NDUFS4: variants seen among roughly 807,000 people sequenced by gnomAD.
The protein encoded by NDUFS4 is NADH:ubiquinone oxidoreductase subunit S4, also known as NADH dehydrogenase [ubiquinone] iron-sulfur protein 4, mitochondrial.
A neutral mutation model predicts 24.3 loss-of-function variants in NDUFS4; 28 were observed. That is an observed-to-expected ratio of 1.15 (90% CI 0.85 to 1.58). The LOEUF (loss-of-function observed/expected upper bound fraction) is 1.58, where lower values mean the gene tolerates loss of function less well. Among genes scored for constraint, NDUFS4 ranks in the 40% most tolerant of loss-of-function variants. The pLI is 0.00. For missense variants in NDUFS4, 223 were observed against 207.9 expected, an observed-to-expected ratio of 1.07 and a Z score of -0.45; for synonymous variants, 93 against 69.7, an observed-to-expected ratio of 1.34 and a Z score of -1.67.
At chr5:53,677,737 T>A (rs568203323) in intron 4 of NDUFS4, among the ~76,000 whole-genome samples, 22 of 152,310 alleles carry the variant, frequency 1.4e-4, no homozygotes, top group African/African-American at 4.6e-4. Context: ...AAAGCTTTGC[T>A]CTTCTGATCC....
chr5:53,677,792 A>G lies in NDUFS4; in HGVS notation c.425-5326A>G, dbSNP rs148194099. Among the ~76,000 whole-genome samples, 968 of 152,296 alleles carry G rather than the reference A, an allele frequency of 6.4e-3. 12 individuals carry two copies. The highest frequency in any genetic ancestry group is 0.022 in the African/African-American group (896 of 41,564). ...ACTGTCAGTTACGTCAGTTTGTGCC[A>G]AATTATGTGGTAGTTCTTGTTCTGT... On this transcript the variant is annotated intron_variant, in intron 4 of 4. Coordinates refer to ENST00000296684, the MANE Select transcript of NDUFS4 (RefSeq NM_002495.4).
chr5:53,630,298 T>C (rs1579896638), intron 2 of NDUFS4, among the ~76,000 whole-genome samples: 2 of 152,278 alleles, frequency 1.3e-5, no homozygotes, highest in East Asian at 3.9e-4. Flanking sequence ...CCTTTTTCTC[T>C]GGCTGCCCTT....
At chr5:53,677,159 T>C (rs961469615) in intron 4 of NDUFS4, among the ~76,000 whole-genome samples, 2 of 152,184 alleles carry the variant, frequency 1.3e-5, no homozygotes, top group Non-Finnish European at 2.9e-5. Context: ...TTGGTTTGTT[T>C]TGTGGCAAAT....
Position 53,663,557 on chromosome 5 carries a change from C to T in NDUFS4, c.424+4933C>T, listed in dbSNP as rs576657984. Among the ~76,000 whole-genome samples, 143 of 152,246 alleles carry T rather than the reference C, an allele frequency of 9.4e-4. 1 individual carries two copies. The highest frequency in any genetic ancestry group is 1.2e-3 in the Non-Finnish European group (82 of 67,992). On this transcript the variant is annotated intron_variant, in intron 4 of 4. Transcript: ENST00000296684. Reference sequence around the variant, plus strand: ...TATATTTAGGATAGTTAGCTCTTCTCAGTGAATTGATCCCTTTACCATTAT... The same window carrying T: ...TATATTTAGGATAGTTAGCTCTTCTTAGTGAATTGATCCCTTTACCATTAT...
In NDUFS4 at chr5:53,603,451, G is replaced by A. The variant is rs376281345; in HGVS notation, c.99-1G>A. 2.9e-5 allele frequency: 47 copies of A among 1,612,364 alleles called. No individual in the cohort carries two copies. Among genetic ancestry groups the A allele is most frequent in the Non-Finnish European group, 4.0e-5 (47 of 1,179,256 alleles). ...TTTTAACTTAAAGTCTTGCACTGCA[G>A]GTCGTTGAGGACTTCCACATGGAGA... is the stretch of plus-strand genomic sequence containing the variant. On this transcript the variant is annotated splice_acceptor_variant, in intron 1 of 4. Coordinates refer to ENST00000296684, the MANE Select transcript of NDUFS4 (RefSeq NM_002495.4). LOFTEE classifies it high-confidence loss of function.
chr5:53,608,367 C>T (rs1281624419), intron 2 of NDUFS4, among the ~76,000 whole-genome samples: 5 of 152,114 alleles, frequency 3.3e-5, no homozygotes, highest in Non-Finnish European at 7.3e-5. Context: ...AATAAGACAA[C>T]AGTGAACTCT....
At chr5:53,672,448 A>G (rs910223413) in intron 4 of NDUFS4, among the ~76,000 whole-genome samples, 1 of 152,156 alleles carries the variant, frequency 6.6e-6, no homozygotes, top group African/African-American at 2.4e-5. Flanking sequence ...GAGGTCTATT[A>G]AGTAGAACAC....
At position 53,567,133 on chromosome 5, in the gene NDUFS4, G is replaced by A. The variant is rs554229838; in HGVS notation, c.98+6373G>A. 6.6e-4 allele frequency among the ~76,000 whole-genome samples: 101 copies of A among 152,318 alleles called. 1 individual carries two copies. Among genetic ancestry groups the A allele is most frequent in the African/African-American group, 2.4e-3 (99 of 41,562 alleles). ...CAAAGTGCTGGAATTACAGGCGTGA[G>A]CCACTGAGCCCAGCACCCCTTAATA... On this transcript the variant is annotated intron_variant, in intron 1 of 4. Transcript: ENST00000296684.
chr5:53,598,841 C>A (rs1222213303), intron 1 of NDUFS4, among the ~76,000 whole-genome samples: 2 of 152,132 alleles, frequency 1.3e-5, no homozygotes, highest in Non-Finnish European at 2.9e-5. Context: ...GAATAAATGG[C>A]TTGTACGCTT....
chr5:53,646,170 A>G (rs1751855856), intron 2 of NDUFS4, 63 bp from the exon 3 acceptor site: 1 of 1,346,502 alleles, frequency 7.4e-7, no homozygotes, highest in South Asian at 1.2e-5. Flanking sequence ...AGGAAACAAC[A>G]AAAGTACATT....
At chr5:53,611,548 A>G (rs1404987414) in intron 2 of NDUFS4, among the ~76,000 whole-genome samples, 1 of 152,068 alleles carries the variant, frequency 6.6e-6, no homozygotes, top group African/African-American at 2.4e-5. Context: ...AGCATCTGAA[A>G]ATAATCCTGT....
intron 3 of NDUFS4, among the ~76,000 whole-genome samples, chr5:53,648,005 T>G (rs116446981): frequency 0.012 from 1,765 of 152,202 alleles, 15 homozygotes; most frequent in Non-Finnish European, 0.019. Flanking sequence ...AAAATACAAA[T>G]GTACTTCCAC....
intron 1 of NDUFS4, among the ~76,000 whole-genome samples, chr5:53,567,691 T>C (rs1355337954): frequency 6.6e-6 from 1 of 152,196 alleles, no homozygotes; most frequent in African/African-American, 2.4e-5. Context: ...TAGTGTTATA[T>C]TCTTCCTTGA....
At chr5:53,580,086 A>G (rs1749512317) in intron 1 of NDUFS4, among the ~76,000 whole-genome samples, 1 of 152,176 alleles carries the variant, frequency 6.6e-6, no homozygotes. Context: ...ATTTCGTAGT[A>G]ATTTGTTACT....
intron 4 of NDUFS4, among the ~76,000 whole-genome samples, chr5:53,667,095 C>T (rs1752535507): frequency 6.6e-6 from 1 of 152,064 alleles, no homozygotes; most frequent in South Asian, 2.1e-4. Flanking sequence ...ATTCTATGTC[C>T]TTAAATAGAT....
intron 1 of NDUFS4, among the ~76,000 whole-genome samples, chr5:53,590,870 A>G (rs1448684053): frequency 6.6e-6 from 1 of 152,198 alleles, no homozygotes; most frequent in Non-Finnish European, 1.5e-5. Flanking sequence ...CATTACCATC[A>G]TATATCTCCA....
At chr5:53,599,710 T>C (rs1328615463) in intron 1 of NDUFS4, among the ~76,000 whole-genome samples, 1 of 152,150 alleles carries the variant, frequency 6.6e-6, no homozygotes, top group African/African-American at 2.4e-5. Context: ...TATTTTGTAT[T>C]ATTTTCTTCT....
chr5:53,642,675 A>G (rs1415606372), intron 2 of NDUFS4, among the ~76,000 whole-genome samples: 1 of 152,170 alleles, frequency 6.6e-6, no homozygotes, highest in East Asian at 1.9e-4. Flanking sequence ...TACAGTTTTA[A>G]TATGGAAAAC....
intron 1 of NDUFS4, among the ~76,000 whole-genome samples, chr5:53,573,114 G>A (rs1023978695): frequency 1.3e-5 from 2 of 151,668 alleles, no homozygotes; most frequent in African/African-American, 4.8e-5. Flanking sequence ...CAAGACTACA[G>A]GTGCATACCA....
Sources: gnomAD v4.1 joint callset for allele counts (sites outside exome capture counted in the v4.1 genomes callset) on GRCh38, gnomAD v4.1.1 for gene constraint, MANE v1.5 for transcripts, NCBI Gene and HGNC (gene_info 2026-07-23, HGNC 2026-07-21) for gene names.